The following NEDD4L variants were observed in gnomAD, a reference collection of about 807,000 sequenced individuals.
NEDD4L encodes E3 ubiquitin-protein ligase NEDD4-like.
Under a neutral mutation model 148.9 loss-of-function variants are expected in NEDD4L, and 54 were observed. The ratio of observed to expected loss-of-function variants is 0.36; its 90% CI spans 0.29 to 0.45. NEDD4L has a LOEUF of 0.45. Among genes scored for constraint, NEDD4L ranks in the 20% least tolerant of loss-of-function variants. The probability of loss-of-function intolerance (pLI) is 1.00; values close to 1 mark genes in which losing one functional copy is unlikely to be tolerated. For synonymous variants in NEDD4L, 433 were observed against 440.7 expected, an observed-to-expected ratio of 0.98 and a Z score of 0.22; for missense variants, 856 against 1,233.8, an observed-to-expected ratio of 0.69 and a Z score of 4.59.
intron 5 of NEDD4L, among the ~76,000 whole-genome samples, chr18:58,270,797 C>G (rs1174086757): frequency 6.6e-6 from 1 of 151,920 alleles, no homozygotes; most frequent in Non-Finnish European, 1.5e-5. Context: ...TTTGCTGCCT[C>G]TCATCTGCTT....
Position 58,316,189 on chromosome 18 carries a change from CT to C in NEDD4L, c.348+160del, listed in dbSNP as rs1176805510. ...CCTTAGTCCTTTCTGGAAAGTGGTC[CT>C]TTCAAGGGGATGGAGGAGAAGCTGG... On this transcript the variant is annotated intron_variant, in intron 6 of 30. Coordinates refer to ENST00000400345, the MANE Select transcript of NEDD4L (RefSeq NM_001144967.3). Among the ~76,000 whole-genome samples the C allele has an allele frequency of 5.3e-5, 8 of 152,266 alleles. No individual in the cohort carries two copies. In the East Asian group the frequency reaches 1.4e-3, roughly 26 times the overall value.
At chr18:58,127,291 C>A (rs1241294806) in intron 1 of NEDD4L, among the ~76,000 whole-genome samples, 2 of 152,246 alleles carry the variant, frequency 1.3e-5, no homozygotes, top group African/African-American at 4.8e-5. Context: ...CAGGACGCTG[C>A]AGATGTGGAC....
intron 19 of NEDD4L, among the ~76,000 whole-genome samples, chr18:58,361,636 G>A (rs901233370): frequency 6.6e-6 from 1 of 152,146 alleles, no homozygotes; most frequent in Non-Finnish European, 1.5e-5. Context: ...CCGGGCATGA[G>A]CCCTTCTGTG....
At chr18:58,120,558 T>C (rs1244107889) in intron 1 of NEDD4L, among the ~76,000 whole-genome samples, 16 of 152,118 alleles carry the variant, frequency 1.1e-4, no homozygotes, top group Non-Finnish European at 1.5e-5. Flanking sequence ...GGCGGGCGGA[T>C]CACGAGGTCA....
chr18:58,290,875 A>G (rs1311000520), intron 5 of NEDD4L, among the ~76,000 whole-genome samples: 2 of 152,204 alleles, frequency 1.3e-5, no homozygotes, highest in Non-Finnish European at 2.9e-5. Flanking sequence ...GTCATTGAAA[A>G]AGAGAGTTGT....
chr18:58,327,562 A>G (rs989485754), intron 9 of NEDD4L, among the ~76,000 whole-genome samples: 1 of 152,232 alleles, frequency 6.6e-6, no homozygotes, highest in Admixed American at 6.5e-5. Context: ...TCCAATGGGC[A>G]TAACTTCTAG....
chr18:58,288,302 T>C (rs7233294), intron 5 of NEDD4L, among the ~76,000 whole-genome samples: 65,752 of 152,120 alleles, frequency 0.43, 14,630 homozygotes, highest in African/African-American at 0.54. Flanking sequence ...TGTTTATGCA[T>C]GCCCTAGAAA....
intron 2 of NEDD4L, among the ~76,000 whole-genome samples, chr18:58,183,870 C>T (rs536928354): frequency 7.5e-4 from 114 of 152,264 alleles, no homozygotes; most frequent in Admixed American, 1.6e-3. Context: ...TTTTAACTTC[C>T]GCTGTTAAGA....
At chr18:58,340,633 AAACTCAG>A (rs2042300354) in intron 13 of NEDD4L, among the ~76,000 whole-genome samples, 1 of 152,204 alleles carries the variant, frequency 6.6e-6, no homozygotes, top group South Asian at 2.1e-4. Flanking sequence ...CATCGAGGAG[AAACTCAG>A]AGCATCCCTC....
At chr18:58,084,671 T>TTTGTG (rs1555686018) in intron 1 of NEDD4L, among the ~76,000 whole-genome samples, 1 of 133,738 alleles carries the variant, frequency 7.5e-6, no homozygotes, top group Non-Finnish European at 1.6e-5. Flanking sequence ...TGTGGGGTTT[T>TTTGTG]TGTGTGTGTG....
intron 2 of NEDD4L, among the ~76,000 whole-genome samples, chr18:58,202,922 G>A (rs771308019): frequency 9.9e-5 from 15 of 151,888 alleles, no homozygotes; most frequent in Admixed American, 2.0e-4. Flanking sequence ...GTGTCCATGT[G>A]TGCACATCTA....
chr18:58,260,285 A>G (rs528656282), intron 5 of NEDD4L, among the ~76,000 whole-genome samples: 1 of 152,392 alleles, frequency 6.6e-6, no homozygotes, highest in East Asian at 1.9e-4. Context: ...TCTCATGTAT[A>G]GTAATGCTCT....
At chr18:58,272,539 G>C (rs2051200390) in intron 5 of NEDD4L, among the ~76,000 whole-genome samples, 1 of 151,956 alleles carries the variant, frequency 6.6e-6, no homozygotes, top group African/African-American at 2.4e-5. Flanking sequence ...GGAGGTAGGA[G>C]GATCACCTGA....
At chr18:58,092,855 CTTTTTTTTTTGT>C (rs1054832854) in intron 1 of NEDD4L, among the ~76,000 whole-genome samples, 4 of 139,890 alleles carry the variant, frequency 2.9e-5, no homozygotes, top group Admixed American at 1.5e-4. Flanking sequence ...CCCTCTCTCT[CTTTTTTTTTTGT>C]TTTTTTTTTT....
chr18:58,173,134 A>G (rs535298201), intron 2 of NEDD4L, among the ~76,000 whole-genome samples: 1 of 152,344 alleles, frequency 6.6e-6, no homozygotes, highest in Non-Finnish European at 1.5e-5. Flanking sequence ...AGCTGGAGAC[A>G]TTTAACCTTT....
At chr18:58,161,353 A>G (rs2036183989) in intron 1 of NEDD4L, among the ~76,000 whole-genome samples, 1 of 152,058 alleles carries the variant, frequency 6.6e-6, no homozygotes, top group Non-Finnish European at 1.5e-5. Flanking sequence ...TTATGACAAA[A>G]TCAAGCCTGG....
chr18:58,313,224 G>A (rs1032340831), intron 5 of NEDD4L, among the ~76,000 whole-genome samples: 8 of 152,062 alleles, frequency 5.3e-5, no homozygotes, highest in Non-Finnish European at 7.4e-5. Context: ...AGAGCCTTCC[G>A]TTTCCTTTAA....
intron 5 of NEDD4L, among the ~76,000 whole-genome samples, chr18:58,292,884 A>G (rs1439365331): frequency 6.6e-6 from 1 of 152,212 alleles, no homozygotes; most frequent in Non-Finnish European, 1.5e-5. Context: ...GTCAGTCTGG[A>G]AAGTGATACC....
At chr18:58,364,210 T>C in intron 19 of NEDD4L, 58 bp from the exon 20 acceptor site, 2 of 970,882 alleles carry the variant, frequency 2.1e-6, no homozygotes, top group South Asian at 1.5e-5. Context: ...TGCCTCAGTA[T>C]ACATAAAATT....
Sources: allele counts gnomAD v4.1 joint callset (sites outside exome capture counted in the v4.1 genomes callset), GRCh38; gene constraint gnomAD v4.1.1; transcripts MANE v1.5; gene names NCBI Gene and HGNC (gene_info 2026-07-23, HGNC 2026-07-21).